The following SEC24B variants were observed in gnomAD, a reference collection of about 807,000 sequenced individuals.
The protein encoded by SEC24B is SEC24 homolog B, COPII component.
In SEC24B, 45 loss-of-function variants were observed where a neutral mutation model predicts 142.8. The ratio of observed to expected loss-of-function variants is 0.32; its 90% CI spans 0.25 to 0.40. SEC24B has a LOEUF of 0.40. Ranked by LOEUF, SEC24B falls within the 10% of genes least tolerant of loss-of-function variation. SEC24B has a pLI of 1.00. For missense variants in SEC24B, 1,409 were observed against 1,526.8 expected (o/e 0.92, Z 1.29); for synonymous variants, 574 against 568.2 (o/e 1.01, Z -0.15).
intron 4 of SEC24B, among the ~76,000 whole-genome samples, chr4:109,487,810 T>A (rs1336254136): frequency 1.3e-5 from 2 of 152,206 alleles, no homozygotes; most frequent in African/African-American, 4.8e-5. Context: ...CTTCTGAAAG[T>A]GAATTTAAAG....
chr4:109,519,008 T>C (rs778224726), intron 11 of SEC24B, among the ~76,000 whole-genome samples: 3 of 152,084 alleles, frequency 2.0e-5, no homozygotes, highest in Non-Finnish European at 2.9e-5. Flanking sequence ...GGTTTTGCCA[T>C]GTTGCCCAGG....
intron 1 of SEC24B, among the ~76,000 whole-genome samples, chr4:109,434,299 C>T (rs1344743538): frequency 2.0e-5 from 3 of 152,132 alleles, no homozygotes; most frequent in Non-Finnish European, 4.4e-5. Context: ...CCCGAAACGG[C>T]CTCGGGCGAG....
intron 11 of SEC24B, among the ~76,000 whole-genome samples, chr4:109,517,567 G>C (rs938663154): frequency 6.6e-6 from 1 of 152,108 alleles, no homozygotes; most frequent in Non-Finnish European, 1.5e-5. Flanking sequence ...TGTATTCTTG[G>C]AGAAATGCTA....
intron 20 of SEC24B, 64 bp from the exon 21 acceptor site, chr4:109,532,575 A>G (rs987289463): frequency 2.4e-6 from 3 of 1,232,904 alleles, no homozygotes; most frequent in Admixed American, 1.7e-5. Context: ...GTTAGTGACC[A>G]TTAGCTCCCA....
At chr4:109,476,648 T>C (rs1409910577) in intron 3 of SEC24B, among the ~76,000 whole-genome samples, 2 of 152,216 alleles carry the variant, frequency 1.3e-5, no homozygotes, top group South Asian at 2.1e-4. Context: ...TCAGAAATTA[T>C]TGTTTGTTAG....
chr4:109,516,906 A>G (rs903093037), intron 11 of SEC24B, among the ~76,000 whole-genome samples: 1 of 152,164 alleles, frequency 6.6e-6, no homozygotes, highest in Non-Finnish European at 1.5e-5. Flanking sequence ...ATCTGAACAC[A>G]GGGGCCAGAA....
intron 11 of SEC24B, among the ~76,000 whole-genome samples, chr4:109,517,347 T>C (rs965007350): frequency 6.6e-6 from 1 of 152,178 alleles, no homozygotes; most frequent in Non-Finnish European, 1.5e-5. Flanking sequence ...TGGAGGTCAT[T>C]ACGTTAAGTG....
Position 109,445,266 on chromosome 4 carries a change from C to T in SEC24B, c.133+11264C>T, listed in dbSNP as rs1469375125. The stretch of plus-strand genomic sequence containing the variant: ...TGTTTTTTTTTTTTTTTTTTTGAGA[C>T]GGAGTCTTGTTCTGTCGCCCAGACT... On this transcript the variant is annotated intron_variant, in intron 1 of 23. Coordinates refer to ENST00000265175, the MANE Select transcript of SEC24B (RefSeq NM_006323.5). Among the ~76,000 whole-genome samples the T allele has an allele frequency of 4.2e-4, 47 of 112,450 alleles. 1 individual carries two copies. Among genetic ancestry groups the T allele is most frequent in the African/African-American group, 1.6e-3 (41 of 24,870 alleles). The allele number at this position is 112,450 out of a possible 152,430, so 73.8% of individuals were successfully genotyped here.
intron 2 of SEC24B, among the ~76,000 whole-genome samples, chr4:109,467,364 T>A (rs1298355096): frequency 1.3e-5 from 2 of 151,524 alleles, no homozygotes. Flanking sequence ...TCCAAGTATG[T>A]ATGTTTTGAG....
At chr4:109,528,803 T>C (rs965655186) in intron 18 of SEC24B, among the ~76,000 whole-genome samples, 3 of 152,234 alleles carry the variant, frequency 2.0e-5, no homozygotes, top group African/African-American at 7.2e-5. Flanking sequence ...AAGAGAGTTA[T>C]TAATACTAAT....
rs370322095 is a variant in SEC24B, at chr4:109,507,995, C to T, written c.1673+1483C>T. On this transcript the variant is annotated intron_variant, in intron 7 of 23. Coordinates refer to ENST00000265175, the MANE Select transcript of SEC24B (RefSeq NM_006323.5). Reference sequence around the variant, plus strand: ...TTTTCCAGCTTTAAAAAAAAAGCGGCAAACCACTCTTCAACCAAAATATTA... The same window carrying T: ...TTTTCCAGCTTTAAAAAAAAAGCGGTAAACCACTCTTCAACCAAAATATTA... 4.6e-5 allele frequency among the ~76,000 whole-genome samples: 7 copies of T among 152,240 alleles called. No individual in the cohort carries two copies. In the East Asian group the frequency reaches 1.2e-3, roughly 25 times the overall value.
intron 3 of SEC24B, among the ~76,000 whole-genome samples, chr4:109,478,552 A>T (rs2125977773): frequency 6.6e-6 from 1 of 151,032 alleles, no homozygotes; most frequent in South Asian, 2.1e-4. Context: ...TATTTTATAG[A>T]TAATGTAAGT....
intron 20 of SEC24B, among the ~76,000 whole-genome samples, 176 bp downstream of exon 20, chr4:109,531,698 T>G (rs1724949859): frequency 6.6e-6 from 1 of 152,226 alleles, no homozygotes; most frequent in Non-Finnish European, 1.5e-5. Context: ...ATGGCAGGAC[T>G]CTTAAATACC....
chr4:109,470,007 A>T (rs1033129666), intron 2 of SEC24B, among the ~76,000 whole-genome samples: 1 of 152,244 alleles, frequency 6.6e-6, no homozygotes, highest in African/African-American at 2.4e-5. Context: ...ACATAATCTC[A>T]TTAATAAACA....
chr4:109,511,933 C>T (rs770469072), intron 8 of SEC24B, 24 bp from the exon 9 acceptor site: 3 of 1,608,086 alleles, frequency 1.9e-6, no homozygotes, highest in Admixed American at 1.7e-5. Flanking sequence ...TTTTCTGCTA[C>T]AGCTTCTTTA....
chr4:109,538,635 C>T (rs1412339823), intron 23 of SEC24B, 39 bp downstream of exon 23: 3 of 1,270,896 alleles, frequency 2.4e-6, no homozygotes, highest in East Asian at 2.3e-5. Flanking sequence ...GTTGTCTTTC[C>T]TATGTAGTCT....
chr4:109,468,259 A>T (rs1467540439), intron 2 of SEC24B, among the ~76,000 whole-genome samples: 4 of 152,172 alleles, frequency 2.6e-5, no homozygotes, highest in African/African-American at 9.7e-5. Flanking sequence ...TCACATACTT[A>T]TTCCTTCAGT....
chr4:109,505,953 C>A (rs1278316336), intron 6 of SEC24B, among the ~76,000 whole-genome samples: 1 of 152,068 alleles, frequency 6.6e-6, no homozygotes, highest in Non-Finnish European at 1.5e-5. Flanking sequence ...ACCTATTGAA[C>A]ACGATTGTAC....
intron 14 of SEC24B, among the ~76,000 whole-genome samples, chr4:109,523,664 G>A (rs1723905704): frequency 6.6e-6 from 1 of 152,014 alleles, no homozygotes; most frequent in Non-Finnish European, 1.5e-5. Flanking sequence ...ATCATTATAA[G>A]TAGTTATGAG....
Sources: allele counts gnomAD v4.1 joint callset (sites outside exome capture counted in the v4.1 genomes callset), GRCh38; gene constraint gnomAD v4.1.1; transcripts MANE v1.5; gene names NCBI Gene and HGNC (gene_info 2026-07-23, HGNC 2026-07-21).